RAB3GAP1: variants seen among roughly 807,000 people sequenced by gnomAD.
The protein encoded by RAB3GAP1 is RAB3 GTPase activating protein catalytic subunit 1.
Under a neutral mutation model 130.7 loss-of-function variants are expected in RAB3GAP1, and 86 were observed. That is an observed-to-expected ratio of 0.66 (90% CI 0.55 to 0.79). The LOEUF is 0.79. RAB3GAP1 is among the 30% of genes least tolerant of loss of function. The probability of loss-of-function intolerance (pLI) is 0.00; values close to 1 mark genes in which losing one functional copy is unlikely to be tolerated. For synonymous variants in RAB3GAP1, 367 were observed against 401.7 expected, an observed-to-expected ratio of 0.91 and a Z score of 1.03; for missense variants, 1,029 against 1,169.4, an observed-to-expected ratio of 0.88 and a Z score of 1.75.
intron 3 of RAB3GAP1, among the ~76,000 whole-genome samples, chr2:135,071,210 G>A (rs1574082562): frequency 6.6e-6 from 1 of 152,132 alleles, no homozygotes; most frequent in African/African-American, 2.4e-5. Flanking sequence ...GAGGCCCAGA[G>A]CCTCATTTTA....
At chr2:135,103,736 G>A (rs1690517092) in intron 5 of RAB3GAP1, among the ~76,000 whole-genome samples, 1 of 152,166 alleles carries the variant, frequency 6.6e-6, no homozygotes, top group South Asian at 2.1e-4. Context: ...GCGGGGGAGG[G>A]AAGGTACAAA....
chr2:135,113,399 A>G, intron 6 of RAB3GAP1, 129 bp downstream of exon 6: 2 of 1,240,948 alleles, frequency 1.6e-6, no homozygotes, highest in Admixed American at 2.0e-5. Context: ...TTGTTAAACT[A>G]AATTTGACTT....
At chr2:135,108,483 T>C (rs1690695712) in intron 5 of RAB3GAP1, among the ~76,000 whole-genome samples, 1 of 151,808 alleles carries the variant, frequency 6.6e-6, no homozygotes, top group South Asian at 2.1e-4. Context: ...TTATATCTTC[T>C]TGGGTGAGGT....
At chr2:135,162,025 G>A (rs1215330344) in intron 19 of RAB3GAP1, among the ~76,000 whole-genome samples, 1 of 152,052 alleles carries the variant, frequency 6.6e-6, no homozygotes, top group Non-Finnish European at 1.5e-5. Context: ...GTTGAATAAG[G>A]AGCCTAAAGG....
chr2:135,135,986 C>T, intron 17 of RAB3GAP1, 54 bp downstream of exon 17: 2 of 1,588,580 alleles, frequency 1.3e-6, no homozygotes, highest in Non-Finnish European at 1.7e-6. Flanking sequence ...TATATAACTT[C>T]ATCCTAGTAG....
intron 2 of RAB3GAP1, among the ~76,000 whole-genome samples, chr2:135,054,677 G>A (rs993753070): frequency 5.3e-5 from 8 of 152,198 alleles, no homozygotes; most frequent in Non-Finnish European, 1.0e-4. Flanking sequence ...GTGGGGTAGG[G>A]AAACATCAGT....
chr2:135,089,829 C>A, intron 3 of RAB3GAP1: 1 of 402,824 alleles, frequency 2.5e-6, no homozygotes, highest in Non-Finnish European at 5.0e-6. Flanking sequence ...GCACTCTTAA[C>A]ACGGGAACAG....
chr2:135,079,889 G>T (rs1450689570), intron 3 of RAB3GAP1, among the ~76,000 whole-genome samples: 1 of 152,142 alleles, frequency 6.6e-6, no homozygotes, highest in East Asian at 1.9e-4. Context: ...CAGCACTTTG[G>T]GAGGCCGAGG....
At chr2:135,154,608 A>G (rs892202366) in intron 19 of RAB3GAP1, among the ~76,000 whole-genome samples, 10 of 152,206 alleles carry the variant, frequency 6.6e-5, no homozygotes, top group South Asian at 2.1e-4. Context: ...AAAAGAGCCA[A>G]GAGATACAGA....
chr2:135,149,183 G>A (rs571299323), intron 17 of RAB3GAP1, among the ~76,000 whole-genome samples: 2 of 152,046 alleles, frequency 1.3e-5, no homozygotes, highest in African/African-American at 2.4e-5. Context: ...AGGGCTGTAG[G>A]CCAATGAAAT....
intron 5 of RAB3GAP1, among the ~76,000 whole-genome samples, chr2:135,095,827 C>G (rs2104883043): frequency 6.6e-6 from 1 of 152,268 alleles, no homozygotes; most frequent in African/African-American, 2.4e-5. Flanking sequence ...CCCTTAGGCA[C>G]TTAGTAGTCA....
At chr2:135,151,347 C>G (rs1198429421) in intron 18 of RAB3GAP1, among the ~76,000 whole-genome samples, 2 of 152,306 alleles carry the variant, frequency 1.3e-5, no homozygotes, top group African/African-American at 2.4e-5. Flanking sequence ...TCCATATCCC[C>G]TACTCAGTCC....
chr2:135,075,624 C>T (rs1689608225), intron 3 of RAB3GAP1, among the ~76,000 whole-genome samples: 1 of 143,626 alleles, frequency 7.0e-6, no homozygotes, highest in Non-Finnish European at 1.5e-5. Context: ...GTTCTACATA[C>T]TCTTGCATGT....
At chr2:135,160,906 T>C (rs1692449531) in intron 19 of RAB3GAP1, among the ~76,000 whole-genome samples, 1 of 152,034 alleles carries the variant, frequency 6.6e-6, no homozygotes, top group South Asian at 2.1e-4. Context: ...TCGAAACAAG[T>C]TTATGTCTAT....
At chr2:135,174,168 C>A (rs991886335), downstream of RAB3GAP1, among the ~76,000 whole-genome samples, 1 of 152,220 alleles carries the variant, frequency 6.6e-6, no homozygotes, top group Non-Finnish European at 1.5e-5. Flanking sequence ...TGGAAAGTCC[C>A]CCCTCTTGCA....
Position 135,135,886 on chromosome 2 carries a change from T to G in RAB3GAP1, c.1877T>G (p.Leu626Arg), listed in dbSNP as rs1306578297. Residue 626 changes from leucine (L) to arginine (R), a missense_variant, in exon 17 of 24, where the codon CTT becomes CGT. Leu to Arg is a moderately radical substitution (Grantham distance 102). Around this residue, in one of 3 missense-constraint regions of RAB3GAP1, gnomAD observed 373 missense variants for 493.6 expected, o/e 0.76. Transcript: ENST00000264158. The stretch of plus-strand genomic sequence containing the variant: ...GGACGGCTCTATCAGCATGGGAAAC[T>G]TACACTGCTGCATAATGGAGAACCT... ...PEGRLYQHGK[L>R]TLLHNGEPLY... 1 of 1,614,012 alleles carries G rather than the reference T, an allele frequency of 6.2e-7. No individual in the cohort carries two copies. Among genetic ancestry groups the G allele is most frequent in the Non-Finnish European group, 8.5e-7 (1 of 1,179,968 alleles).
In RAB3GAP1 at chr2:135,078,099, C is replaced by G. The variant is rs537643999; in HGVS notation, c.151-12899C>G. On this transcript the variant is annotated intron_variant, in intron 3 of 23. Coordinates refer to ENST00000264158, the MANE Select transcript of RAB3GAP1 (RefSeq NM_012233.3). ...GTTGCCTGTGCTTTTGGTGTCCTGT[C>G]CAAGAAATAATTGCAAATTCAGATG... Among the ~76,000 whole-genome samples the G allele has an allele frequency of 2.0e-5, 3 of 152,156 alleles. No individual in the cohort carries two copies. The East Asian group carries it at 5.8e-4, about 29-fold the overall frequency.
chr2:135,147,358 A>G (rs1692029617), intron 17 of RAB3GAP1, among the ~76,000 whole-genome samples: 1 of 152,024 alleles, frequency 6.6e-6, no homozygotes, highest in African/African-American at 2.4e-5. Flanking sequence ...AAAAAAAAAA[A>G]AAATCTTTTA....
intron 19 of RAB3GAP1, 86 bp from the exon 20 acceptor site, chr2:135,162,469 G>T (rs1183554362): frequency 4.0e-6 from 4 of 990,310 alleles, no homozygotes; most frequent in Non-Finnish European, 6.3e-6. Context: ...ATTAAGATGA[G>T]TGGCTGAGGA....
Sources: gnomAD v4.1 joint callset for allele counts (sites outside exome capture counted in the v4.1 genomes callset) on GRCh38, gnomAD v4.1.1 for gene constraint, gnomAD v4.1.1 regional missense constraint, MANE v1.5 for transcripts, NCBI Gene and HGNC (gene_info 2026-07-23, HGNC 2026-07-21) for gene names.